The following COL4A5 variants were observed in gnomAD, a reference collection of about 807,000 sequenced individuals.
COL4A5 encodes collagen type IV alpha 5 chain, also known as collagen alpha-5(IV) chain.
Under a neutral mutation model 130.2 loss-of-function variants are expected in COL4A5, and 26 were observed. The observed-to-expected ratio is 0.20, with a 90% CI of 0.15 to 0.28. The LOEUF is 0.28. Among genes scored for constraint, COL4A5 ranks in the 10% least tolerant of loss-of-function variants. COL4A5 has a pLI of 1.00. For synonymous variants in COL4A5, 496 were observed against 439.6 expected (o/e 1.13, Z -1.60); for missense variants, 1,131 against 1,344.3 (o/e 0.84, Z 2.48).
intron 19 of COL4A5, among the ~76,000 whole-genome samples, chrX:108,588,353 C>T (rs2066371514): frequency 9.0e-6 from 1 of 111,294 alleles, no homozygotes; most frequent in South Asian, 3.7e-4. Flanking sequence ...TTCCATTATG[C>T]TCTAAATGCA....
chrX:108,549,836 A>G (rs775185406), intron 2 of COL4A5, among the ~76,000 whole-genome samples: 98 of 111,923 alleles, frequency 8.8e-4, no homozygotes, highest in African/African-American at 3.0e-3. Context: ...TACCCATATC[A>G]GGAATGTTCC....
At chrX:108,449,850 T>G (rs1417158746) in intron 1 of COL4A5, among the ~76,000 whole-genome samples, 1 of 112,265 alleles carries the variant, frequency 8.9e-6, no homozygotes, top group African/African-American at 3.2e-5. Flanking sequence ...CACCTCCTAA[T>G]GCCATCACCT....
At chrX:108,548,399 A>C (rs1292511351) in intron 2 of COL4A5, among the ~76,000 whole-genome samples, 1 of 111,995 alleles carries the variant, frequency 8.9e-6, no homozygotes, top group Non-Finnish European at 1.9e-5. Context: ...CAGAAGAAAC[A>C]ACTGAATCTG....
At chrX:108,624,126 A>G (rs1426060399) in intron 33 of COL4A5, 110 bp from the exon 34 acceptor site, 2 of 584,684 alleles carry the variant, frequency 3.4e-6, no homozygotes, top group Non-Finnish European at 5.8e-6. Context: ...GAATATCACC[A>G]GTTCCTCTAA....
At chrX:108,681,961 G>C in intron 47 of COL4A5, 73 bp downstream of exon 47, 1 of 1,002,519 alleles carries the variant, frequency 1.0e-6, no homozygotes, top group South Asian at 2.0e-5. Context: ...GAATGTACAG[G>C]TTTGTTACAT....
At chrX:108,658,754 G>T (rs2067894355) in intron 37 of COL4A5, among the ~76,000 whole-genome samples, 1 of 111,113 alleles carries the variant, frequency 9.0e-6, no homozygotes. Flanking sequence ...ACTGAAGTCT[G>T]CATTTTAATA....
At chrX:108,601,529 T>A in intron 26 of COL4A5, 44 bp downstream of exon 26, 3 of 107,379 alleles carry the variant, frequency 2.8e-5, no homozygotes, top group Non-Finnish European at 5.3e-5. Context: ...CACCGATGGC[T>A]TTTTTTTTTT....
chrX:108,638,193 T>C (rs1191238935), intron 36 of COL4A5, among the ~76,000 whole-genome samples: 1 of 111,192 alleles, frequency 9.0e-6, no homozygotes, highest in Non-Finnish European at 1.9e-5. Context: ...GCATACTGAA[T>C]TCAACAGCAT....
At chrX:108,457,514 C>T (rs1444415893) in intron 1 of COL4A5, among the ~76,000 whole-genome samples, 3 of 111,727 alleles carry the variant, frequency 2.7e-5, no homozygotes, top group Non-Finnish European at 5.6e-5. Context: ...TTGATATTGT[C>T]ACTCTTTTTA....
At chrX:108,568,910 A>G (rs1412225700) in intron 6 of COL4A5, 89 bp downstream of exon 6, 3 of 813,457 alleles carry the variant, frequency 3.7e-6, no homozygotes, top group Non-Finnish European at 5.6e-6. Context: ...ATGTAGAAGA[A>G]GGGATATAGT....
chrX:108,440,273 G>T (rs941834002), intron 1 of COL4A5, 67 bp downstream of exon 1: 19 of 719,597 alleles, frequency 2.6e-5, no homozygotes, highest in East Asian at 1.3e-4. Flanking sequence ...CTTTTTTTTG[G>T]GGGGGGGGTC....
intron 40 of COL4A5, 147 bp downstream of exon 40, chrX:108,667,330 T>C (rs1039614811): frequency 9.8e-6 from 5 of 512,688 alleles, no homozygotes; most frequent in Admixed American, 7.3e-5. Context: ...GTTAAAACAT[T>C]TATTATTTAG....
At chrX:108,628,425 G>T (rs910754897) in intron 36 of COL4A5, among the ~76,000 whole-genome samples, 90 of 111,209 alleles carry the variant, frequency 8.1e-4, no homozygotes, top group African/African-American at 2.8e-3. Flanking sequence ...TCATTCTACA[G>T]ATATTGGGTG....
chrX:108,526,660 C>CTTTCTTTCT (rs776259186), intron 1 of COL4A5, among the ~76,000 whole-genome samples: 1 of 38,759 alleles, frequency 2.6e-5, no homozygotes, highest in Non-Finnish European at 4.2e-5. Context: ...TTCTTTCTTT[C>CTTTCTTTCT]TTCTTTCTTT....
intron 1 of COL4A5, among the ~76,000 whole-genome samples, chrX:108,458,835 T>C (rs1408835348): frequency 2.7e-4 from 30 of 110,909 alleles, no homozygotes; most frequent in African/African-American, 8.8e-4. Flanking sequence ...AAAAAATTAG[T>C]TGGGCGTGGT....
chrX:108,667,706 T>A (rs921155349), intron 40 of COL4A5, among the ~76,000 whole-genome samples: 1 of 110,497 alleles, frequency 9.1e-6, no homozygotes, highest in Non-Finnish European at 1.9e-5. Context: ...GGCCATTTTA[T>A]GGAGACTTTT....
intron 1 of COL4A5, among the ~76,000 whole-genome samples, chrX:108,450,397 A>G (rs1226087670): frequency 8.9e-6 from 1 of 111,876 alleles, no homozygotes; most frequent in Non-Finnish European, 1.9e-5. Flanking sequence ...CCCAGCCAAA[A>G]TTCATTTTTA....
chrX:108,443,462 T>C (rs1446572052), intron 1 of COL4A5, among the ~76,000 whole-genome samples: 1 of 112,066 alleles, frequency 8.9e-6, no homozygotes, highest in Non-Finnish European at 1.9e-5. Context: ...AACAACCGGG[T>C]ATGTGTGTAT....
At chrX:108,596,955 G>A (rs777669495) in intron 22 of COL4A5, 43 bp from the exon 23 acceptor site, 38 of 1,122,584 alleles carry the variant, frequency 3.4e-5, no homozygotes, top group Non-Finnish European at 4.3e-5. Flanking sequence ...CAAAGCTTAC[G>A]TTATTGTGTG....
Sources: gnomAD v4.1 joint callset for allele counts (sites outside exome capture counted in the v4.1 genomes callset) on GRCh38, gnomAD v4.1.1 for gene constraint, MANE v1.5 for transcripts, NCBI Gene and HGNC (gene_info 2026-07-23, HGNC 2026-07-21) for gene names.